LRFN5: variants seen among roughly 807,000 people sequenced by gnomAD.
The protein encoded by LRFN5 is leucine-rich repeat and fibronectin type-III domain-containing protein 5.
In LRFN5, 24 loss-of-function variants were observed where a neutral mutation model predicts 45.6. The observed-to-expected ratio is 0.53, with a 90% CI of 0.38 to 0.74. LRFN5 has a LOEUF of 0.74. LRFN5 is among the 30% of genes least tolerant of loss of function. The pLI is 0.00. For synonymous variants in LRFN5, 340 were observed against 313.8 expected (o/e 1.08, Z -0.88); for missense variants, 776 against 861.5 (o/e 0.90, Z 1.24).
At chr14:41,861,458 T>C (rs1375561283) in intron 2 of LRFN5, among the ~76,000 whole-genome samples, 5 of 152,236 alleles carry the variant, frequency 3.3e-5, no homozygotes, top group Non-Finnish European at 7.3e-5. Context: ...TCATGTATTT[T>C]GATGTTAAAA....
chr14:41,749,248 T>TTGTATTGTCTTATAAAAC (rs1296830469), intron 1 of LRFN5, among the ~76,000 whole-genome samples: 9 of 152,254 alleles, frequency 5.9e-5, no homozygotes, highest in African/African-American at 1.9e-4. Context: ...CCAGAATATG[T>TTGTATTGTCTTATAAAAC]TGTATTGTCT....
intron 1 of LRFN5, among the ~76,000 whole-genome samples, chr14:41,706,921 G>A (rs1353043871): frequency 2.6e-5 from 4 of 152,108 alleles, no homozygotes; most frequent in Non-Finnish European, 5.9e-5. Context: ...GTTCTGTTGT[G>A]CTTAGCATCT....
At chr14:41,788,416 A>G (rs546816987) in intron 2 of LRFN5, among the ~76,000 whole-genome samples, 1 of 151,972 alleles carries the variant, frequency 6.6e-6, no homozygotes, top group South Asian at 2.1e-4. Flanking sequence ...CTGGATATTT[A>G]CTCCCAATTG....
chr14:41,616,661 ATCCT>A (rs1355386761), intron 1 of LRFN5, among the ~76,000 whole-genome samples: 1 of 152,190 alleles, frequency 6.6e-6, no homozygotes, highest in African/African-American at 2.4e-5. Flanking sequence ...TTGACTAAGT[ATCCT>A]GGTAGAATGA....
intron 1 of LRFN5, among the ~76,000 whole-genome samples, chr14:41,709,553 C>T (rs1236181808): frequency 6.6e-6 from 1 of 151,680 alleles, no homozygotes; most frequent in Non-Finnish European, 1.5e-5. Context: ...TATTTTAAGC[C>T]TATTGAATAT....
intron 2 of LRFN5, among the ~76,000 whole-genome samples, chr14:41,825,213 C>T (rs1331020616): frequency 6.6e-6 from 1 of 152,154 alleles, no homozygotes; most frequent in Non-Finnish European, 1.5e-5. Context: ...TCCTGTCACC[C>T]TTAATAGACC....
intron 1 of LRFN5, among the ~76,000 whole-genome samples, chr14:41,723,791 T>G (rs10140479): frequency 0.024 from 3,614 of 152,220 alleles, 134 homozygotes; most frequent in African/African-American, 0.083. Context: ...GCCCCTACCC[T>G]ACTCCAGAGT....
intron 2 of LRFN5, among the ~76,000 whole-genome samples, chr14:41,859,897 C>T (rs1889602893): frequency 6.6e-6 from 1 of 152,046 alleles, no homozygotes; most frequent in Admixed American, 6.6e-5. Flanking sequence ...AATAATCAAC[C>T]ATTTATCACA....
At chr14:41,775,641 C>T (rs1280112215) in intron 2 of LRFN5, among the ~76,000 whole-genome samples, 6 of 152,086 alleles carry the variant, frequency 3.9e-5, no homozygotes, top group Admixed American at 3.9e-4. Context: ...TAGATTATTT[C>T]AATACCTACT....
At chr14:41,833,834 C>T (rs1444455985) in intron 2 of LRFN5, among the ~76,000 whole-genome samples, 1 of 152,132 alleles carries the variant, frequency 6.6e-6, no homozygotes, top group Non-Finnish European at 1.5e-5. Flanking sequence ...CTCAGATTCT[C>T]CAAATTAGTC....
rs1218414291 is a variant in LRFN5, at chr14:41,904,329, C to T, written c.*154C>T. The T allele has an allele frequency of 9.9e-6, 9 of 909,316 alleles. No homozygotes were observed. The highest frequency in any genetic ancestry group is 5.0e-5 in the East Asian group (2 of 40,110). The allele number at this position is 909,316 out of a possible 1,614,324, so 56.3% of individuals were successfully genotyped here. ...GAGCCAAGGTGAAAGTCTCTGATGACGGCGGAACTGGCTCCATTAGACCAT... is the reference window on the plus strand; with the variant it reads ...GAGCCAAGGTGAAAGTCTCTGATGATGGCGGAACTGGCTCCATTAGACCAT... On this transcript the variant is annotated 3_prime_UTR_variant, in exon 6 of 6. Transcript: ENST00000298119.
rs574413228 is a variant in LRFN5 at position 41,833,556 on chromosome 14, G to A, written c.-20-53050G>A. Among the ~76,000 whole-genome samples the A allele has an allele frequency of 4.6e-5, 7 of 152,292 alleles. No homozygotes were observed. In the East Asian group the frequency reaches 1.4e-3, roughly 29 times the overall value. ...TACACTTCTCAAAGTCCTGCCTGCT[G>A]AGCAGAGTTTCCTTCGTCATTGTCT... On this transcript the variant is annotated intron_variant, in intron 2 of 5. Transcript: ENST00000298119.
intron 2 of LRFN5, among the ~76,000 whole-genome samples, chr14:41,796,252 T>A (rs2138957541): frequency 1.3e-5 from 2 of 152,108 alleles, no homozygotes; most frequent in South Asian, 4.1e-4. Flanking sequence ...ATGATAATAG[T>A]AATGTTATTG....
chr14:41,608,882 G>A (rs1353499700), intron 1 of LRFN5, among the ~76,000 whole-genome samples: 1 of 152,204 alleles, frequency 6.6e-6, no homozygotes, highest in Non-Finnish European at 1.5e-5. Context: ...CCTTCAGGCT[G>A]TGGTTGCCAC....
intron 2 of LRFN5, among the ~76,000 whole-genome samples, chr14:41,869,422 A>G (rs1476164607): frequency 6.6e-6 from 1 of 150,976 alleles, no homozygotes; most frequent in South Asian, 2.1e-4. Flanking sequence ...TGTTAACTTT[A>G]TGCAGCTTTT....
chr14:41,610,175 T>C (rs1887690234), intron 1 of LRFN5: 1 of 152,662 alleles, frequency 6.6e-6, no homozygotes, highest in African/African-American at 2.4e-5. Flanking sequence ...GCCGCCTGGA[T>C]GCGAGAGGAG....
At chr14:41,857,624 C>T (rs1452820498) in intron 2 of LRFN5, among the ~76,000 whole-genome samples, 1 of 152,138 alleles carries the variant, frequency 6.6e-6, no homozygotes, top group African/African-American at 2.4e-5. Flanking sequence ...ACACTGTGGT[C>T]GAACCTGTAC....
chr14:41,730,566 G>T (rs1347068458), intron 1 of LRFN5, among the ~76,000 whole-genome samples: 1 of 151,858 alleles, frequency 6.6e-6, no homozygotes, highest in Non-Finnish European at 1.5e-5. Flanking sequence ...TTGATGTTTA[G>T]AAATAGTTAT....
At chr14:41,873,468 C>T (rs1890090912) in intron 2 of LRFN5, among the ~76,000 whole-genome samples, 1 of 151,134 alleles carries the variant, frequency 6.6e-6, no homozygotes, top group Non-Finnish European at 1.5e-5. Context: ...ACATTGCGTT[C>T]AGTGATATAA....
Sources: allele counts gnomAD v4.1 joint callset (sites outside exome capture counted in the v4.1 genomes callset), GRCh38; gene constraint gnomAD v4.1.1; transcripts MANE v1.5; gene names NCBI Gene and HGNC (gene_info 2026-07-23, HGNC 2026-07-21).